Variants in IL20RB observed in about 807,000 individuals in gnomAD.
The protein encoded by IL20RB is interleukin 20 receptor subunit beta, also known as interleukin-20 receptor subunit beta.
IL20RB carries 21 observed loss-of-function variants against 33.3 expected under a neutral mutation model. The observed-to-expected ratio is 0.63, with a 90% confidence interval of 0.45 to 0.91. The LOEUF (loss-of-function observed/expected upper bound fraction) is 0.91. Ranked by LOEUF, IL20RB falls within the 40% of genes least tolerant of loss-of-function variation. IL20RB has a pLI of 0.00. For missense variants in IL20RB, 345 were observed against 384.8 expected, an observed-to-expected ratio of 0.90 and a Z score of 0.86; for synonymous variants, 147 against 146.8, an observed-to-expected ratio of 1.00 and a Z score of -0.01.
intron 6 of IL20RB, among the ~76,000 whole-genome samples, chr3:136,997,264 T>C (rs1323459210): frequency 6.6e-6 from 1 of 152,132 alleles, no homozygotes; most frequent in East Asian, 1.9e-4. Flanking sequence ...ATCTAATTTT[T>C]GTATTTTTAA....
chr3:137,007,558 A>G (rs1471115760), intron 6 of IL20RB, among the ~76,000 whole-genome samples: 1 of 152,238 alleles, frequency 6.6e-6, no homozygotes, highest in Non-Finnish European at 1.5e-5. Flanking sequence ...CTGCGCTAGC[A>G]GTGAGCAAGG....
At chr3:136,961,899 G>A (rs528477380) in intron 1 of IL20RB, among the ~76,000 whole-genome samples, 2 of 152,112 alleles carry the variant, frequency 1.3e-5, no homozygotes, top group Non-Finnish European at 2.9e-5. Context: ...AGTAAAACGG[G>A]TGGGAACAAG....
chr3:136,996,354 A>G (rs1398092606), intron 6 of IL20RB, among the ~76,000 whole-genome samples: 1 of 152,158 alleles, frequency 6.6e-6, no homozygotes, highest in Non-Finnish European at 1.5e-5. Context: ...CAAAAACAAC[A>G]AAAACAAAAT....
chr3:137,006,791 T>G (rs1577036202), intron 6 of IL20RB, among the ~76,000 whole-genome samples: 1 of 152,256 alleles, frequency 6.6e-6, no homozygotes, highest in African/African-American at 2.4e-5. Context: ...AAAGTCATTC[T>G]CCATCCAGCT....
rs1941742593 is a variant in IL20RB at position 136,980,467 on chromosome 3, T to C, written c.90T>C (p.Asp30=). ...CCAGGCTATCTGCCTTGATCCTAGA[T>C]GAAGTGGCCATTCTGCCTGCCCCTC... ...FYALIPCLLT[D]EVAILPAPQN... Residue 30 remains aspartate, a splice_region_variant and synonymous_variant, in exon 2 of 7, where the codon GAT becomes GAC. Transcript: ENST00000329582. 1.2e-6 allele frequency: 2 copies of C among 1,614,078 alleles called. No homozygotes were observed. The highest frequency in any genetic ancestry group is 1.7e-6 in the Non-Finnish European group (2 of 1,180,040).
chr3:137,005,860 C>T (rs922656266), intron 6 of IL20RB, among the ~76,000 whole-genome samples: 8 of 152,166 alleles, frequency 5.3e-5, no homozygotes, highest in African/African-American at 1.9e-4. Flanking sequence ...TTCCTAGCGT[C>T]GATGGTCTTT....
At position 137,010,249 on chromosome 3, in the gene IL20RB, C is replaced by T. The variant is rs375713236; in HGVS notation, c.*26C>T. 23 of 1,071,360 alleles carry T rather than the reference C, an allele frequency of 2.1e-5. No homozygotes were observed. The highest frequency in any genetic ancestry group is 2.5e-5 in the South Asian group (2 of 79,280). The allele number at this position is 1,071,360 out of a possible 1,614,324, so 66.4% of individuals were successfully genotyped here. A position where few individuals can be genotyped will look rare whatever the true frequency, so the allele number is the denominator to read the frequency against. ...GTTTGCGGAAGGGCCCAGGTGAAGC[C>T]GAGAACCTGGTCTGCATGACATGGA... is the stretch of plus-strand genomic sequence containing the variant. On this transcript the variant is annotated 3_prime_UTR_variant, in exon 7 of 7. Coordinates refer to ENST00000329582, the MANE Select transcript of IL20RB (RefSeq NM_144717.4).
At chr3:136,978,027 T>G (rs551861961) in intron 1 of IL20RB, among the ~76,000 whole-genome samples, 1 of 152,306 alleles carries the variant, frequency 6.6e-6, no homozygotes, top group African/African-American at 2.4e-5. Context: ...TCTTGCCTAT[T>G]CCTGATCTTG....
chr3:136,992,001 G>T lies in IL20RB; in HGVS notation c.595G>T (p.Ala199Ser), dbSNP rs1227147451. 1 of 1,614,220 alleles carries T rather than the reference G, an allele frequency of 6.2e-7. No individual in the cohort carries two copies. Residue 199 changes from alanine to serine, a missense_variant, in exon 5 of 7, where the codon GCT (alanine) becomes TCT (serine). By Grantham distance (99) the Ala-to-Ser change is moderately conservative. Transcript: ENST00000329582. ...GCACCTAGAAACCATGGAGCCAGGG[G>T]CTGCATACTGTGTGAAGGCCCAGAC... ...PVHLETMEPG[A>S]AYCVKAQTFV... is the part of the protein sequence containing the mutation.
At position 136,980,554 on chromosome 3, in the gene IL20RB, G is replaced by A. The variant is rs959336573; in HGVS notation, c.177G>A (p.Ala59=). ...KHLLMWSPVI[A]PGETVYYSVE... ...TCTTGATGTGGAGCCCAGTGATCGC[G>A]CCTGGAGAAACAGTGTACTATTCTG... Residue 59 remains alanine, a synonymous_variant, in exon 2 of 7, where the codon GCG becomes GCA. Coordinates refer to ENST00000329582, the MANE Select transcript of IL20RB (RefSeq NM_144717.4). 1.2e-5 allele frequency: 19 copies of A among 1,614,054 alleles called. No homozygotes were observed. The highest frequency in any genetic ancestry group is 2.2e-5 in the East Asian group (1 of 44,898).
In IL20RB at chr3:137,002,132, C is replaced by A. The variant is rs943106614; in HGVS notation, c.825+6576C>A. Among the ~76,000 whole-genome samples the A allele has an allele frequency of 2.0e-5, 3 of 152,244 alleles. No individual in the cohort carries two copies. The East Asian group carries it at 5.8e-4, about 29-fold the overall frequency. On this transcript the variant is annotated intron_variant, in intron 6 of 6. Transcript: ENST00000329582. ...TCCTTTTTTATGGCTGCATAGTATT[C>A]CATGGTATATATGTGCCACATTTTC...
chr3:136,984,180 T>G (rs1186349381), intron 3 of IL20RB, among the ~76,000 whole-genome samples: 2 of 152,124 alleles, frequency 1.3e-5, no homozygotes, highest in South Asian at 2.1e-4. Context: ...TAGACGAGAC[T>G]GTTTAGGGAC....
chr3:136,968,837 T>G lies in IL20RB; in HGVS notation c.88+10636T>G, dbSNP rs1425865035. 7.5e-5 allele frequency among the ~76,000 whole-genome samples: 2 copies of G among 26,702 alleles called. 1 individual carries two copies. The highest frequency in any genetic ancestry group is 1.2e-4 in the Non-Finnish European group (2 of 16,218). The allele number at this position is 26,702 out of a possible 152,430, so 17.5% of individuals were successfully genotyped here. A position where few individuals can be genotyped will look rare whatever the true frequency, so the allele number is the denominator to read the frequency against. On this transcript the variant is annotated intron_variant, in intron 1 of 6. Coordinates refer to ENST00000329582, the MANE Select transcript of IL20RB (RefSeq NM_144717.4). ...CCCCATCTTTGTGGTTTTATCTACTTTTGGTCTTTGATGATGGTGATGTAC... is the reference window on the plus strand; with the variant it reads ...CCCCATCTTTGTGGTTTTATCTACTGTTGGTCTTTGATGATGGTGATGTAC...
In IL20RB at chr3:136,995,555, TG is replaced by T; in HGVS notation, c.825+1del. 1.2e-6 allele frequency: 2 copies of T among 1,614,156 alleles called. No individual in the cohort carries two copies. Among genetic ancestry groups the T allele is most frequent in the Non-Finnish European group, 1.7e-6 (2 of 1,180,014 alleles). ...CCPVVVLPDT[L>X]KITNSPQKLI... ...CCCGTGGTGGTCCTCCCAGACACCTTGGTAATAGAGTAGTTCTTTATTCCTT... is the reference window on the plus strand; with the variant it reads ...CCCGTGGTGGTCCTCCCAGACACCTTGTAATAGAGTAGTTCTTTATTCCTT... On this transcript the variant is annotated frameshift_variant and splice_region_variant, in exon 6 of 7. Transcript: ENST00000329582. LOFTEE classifies it high-confidence loss of function.
intron 3 of IL20RB, 126 bp from the exon 4 acceptor site, chr3:136,989,315 C>A: frequency 9.3e-7 from 1 of 1,072,754 alleles, no homozygotes. Flanking sequence ...GAGCTTGAAG[C>A]TACAGCAGAC....
chr3:136,995,456 G>C lies in IL20RB; in HGVS notation c.725G>C (p.Gly242Ala). The stretch of plus-strand genomic sequence containing the variant: ...GTACTGGCCCTGTTTGCCTTTGTTG[G>C]CTTCATGCTGATCCTTGTGGTCGTG... ...PLVLALFAFV[G>A]FMLILVVVPL... is the part of the protein sequence containing the mutation. The change falls in exon 6 of 7, where the codon GGC (glycine) becomes GCC (alanine). Residue 242 changes from glycine (G) to alanine (A), a missense_variant. Coordinates refer to ENST00000329582, the MANE Select transcript of IL20RB (RefSeq NM_144717.4). 1 of 1,614,128 alleles carries C rather than the reference G, an allele frequency of 6.2e-7. No individual in the cohort carries two copies. The highest frequency in any genetic ancestry group is 8.5e-7 in the Non-Finnish European group (1 of 1,180,020).
intron 6 of IL20RB, among the ~76,000 whole-genome samples, chr3:137,009,664 C>G (rs923795698): frequency 2.6e-5 from 4 of 152,032 alleles, no homozygotes; most frequent in Non-Finnish European, 5.9e-5. Context: ...CTCAGCCTCA[C>G]GAGTAGCTGG....
chr3:137,000,375 TCTTA>T (rs1942217512), intron 6 of IL20RB, among the ~76,000 whole-genome samples: 1 of 152,256 alleles, frequency 6.6e-6, no homozygotes, highest in African/African-American at 2.4e-5. Context: ...GGATTTTTCC[TCTTA>T]CTTTCTAACT....
intron 1 of IL20RB, among the ~76,000 whole-genome samples, chr3:136,961,801 A>G (rs539571245): frequency 1.6e-4 from 25 of 152,332 alleles, no homozygotes; most frequent in Admixed American, 1.5e-3. Flanking sequence ...TGAAGGATGT[A>G]TAGGAATGCT....
Sources: gnomAD v4.1 joint callset for allele counts (sites outside exome capture counted in the v4.1 genomes callset) on GRCh38, gnomAD v4.1.1 for gene constraint, MANE v1.5 for transcripts, NCBI Gene and HGNC (gene_info 2026-07-23, HGNC 2026-07-21) for gene names.